The following MYO15A variants were observed in gnomAD, a reference collection of about 807,000 sequenced individuals.
MYO15A encodes the protein unconventional myosin-XV.
A neutral mutation model predicts 394.6 loss-of-function variants in MYO15A; 308 were observed. The observed-to-expected ratio is 0.78, with a 90% CI of 0.71 to 0.86. The LOEUF (loss-of-function observed/expected upper bound fraction) is 0.86, where lower values mean the gene tolerates loss of function less well. Among genes scored for constraint, MYO15A ranks in the 40% least tolerant of loss-of-function variants. The probability of loss-of-function intolerance (pLI) is 0.00; values close to 1 mark genes in which losing one functional copy is unlikely to be tolerated. For missense variants in MYO15A, 4,606 were observed against 4,799.1 expected, an observed-to-expected ratio of 0.96 and a Z score of 1.19; for synonymous variants, 1,957 against 2,003.8, an observed-to-expected ratio of 0.98 and a Z score of 0.62.
At chr17:18,137,822 C>G in intron 16 of MYO15A, 143 bp downstream of exon 16, 3 of 1,055,804 alleles carry the variant, frequency 2.8e-6, no homozygotes, top group East Asian at 2.6e-5. Context: ...AGCTGGGGAC[C>G]AGCCCATGGG....
chr17:18,172,319 C>T (rs751981122), intron 64 of MYO15A, 29 bp downstream of exon 64: 21 of 1,614,006 alleles, frequency 1.3e-5, no homozygotes, highest in South Asian at 9.9e-5. Flanking sequence ...GCACTGCCAT[C>T]GCCACCCTCT....
In MYO15A at chr17:18,120,733, C is replaced by T; in HGVS notation, c.1933C>T (p.Pro645Ser). 6.8e-7 allele frequency: 1 copy of T among 1,474,986 alleles called. No homozygotes were observed. Among genetic ancestry groups the T allele is most frequent in the South Asian group, 1.3e-5 (1 of 76,402 alleles). 91.4% of individuals were successfully genotyped at this position (1,474,986 alleles called of 1,614,324 possible). ...ARSSNDARRP[P>S]APQPAPRTLS... The stretch of plus-strand genomic sequence containing the variant: ...CAGCAGCAACGACGCGCGCCGCCCG[C>T]CCGCGCCACAGCCCGCGCCCAGGAC... The change falls in exon 2 of 66, where the codon CCC becomes TCC. Residue 645 changes from proline to serine, a missense_variant. Physicochemically the swap from Pro to Ser is moderately conservative, Grantham distance 74. This residue lies in a region of MYO15A where 1,830 missense variants were observed against 1,689.7 expected (regional missense o/e 1.08). Coordinates refer to ENST00000647165, the MANE Select transcript of MYO15A (RefSeq NM_016239.4).
At position 18,139,548 on chromosome 17, in the gene MYO15A, G is replaced by A. The variant is rs2046341246; in HGVS notation, c.5148G>A (p.Leu1716=). ...GKVTYQVHKF[L]DKNHDQVRQD... ...CCCCTTTTCAGGTGCACAAGTTCCTGGACAAGAACCACGACCAAGTGCGCC... is the reference window on the plus strand; with the variant it reads ...CCCCTTTTCAGGTGCACAAGTTCCTAGACAAGAACCACGACCAAGTGCGCC... The change falls in exon 19 of 66, where the codon CTG becomes CTA. Residue 1716 remains leucine (L), a synonymous_variant. Transcript: ENST00000647165. The A allele has an allele frequency of 6.2e-7, 1 of 1,614,030 alleles. No individual in the cohort carries two copies. Among genetic ancestry groups the A allele is most frequent in the Admixed American group, 1.7e-5 (1 of 60,016 alleles).
Position 18,158,955 on chromosome 17 carries a change from T to G in MYO15A, c.9114T>G (p.Pro3038=). Reference sequence around the variant, plus strand: ...GCCTCAGGCTGAAATCCAAGGAGCCTCGGGAGTCCAGAACCTTGGAGGACA... The same window carrying G: ...GCCTCAGGCTGAAATCCAAGGAGCCGCGGGAGTCCAGAACCTTGGAGGACA... ...QDGLRLKSKE[P]RESRTLEDML... is the part of the protein sequence containing the mutation. Residue 3038 remains proline (P), a synonymous_variant, in exon 53 of 66, where the codon CCT becomes CCG. Coordinates refer to ENST00000647165, the MANE Select transcript of MYO15A (RefSeq NM_016239.4). The G allele has an allele frequency of 6.2e-7, 1 of 1,614,068 alleles. No homozygotes were observed. The highest frequency in any genetic ancestry group is 8.5e-7 in the Non-Finnish European group (1 of 1,179,960).
At position 18,150,804 on chromosome 17, in the gene MYO15A, C is replaced by T; in HGVS notation, c.7396-32C>T. ...GGACTGCTGGGGGGTGGAGAATGGACCTGCCTGGTCACCACTGCCACCTCT... is the reference window on the plus strand; with the variant it reads ...GGACTGCTGGGGGGTGGAGAATGGATCTGCCTGGTCACCACTGCCACCTCT... On this transcript the variant is annotated intron_variant, in intron 37 of 65. Transcript: ENST00000647165. This position sits in a 1 kb window ranked among gnomAD's most constrained non-coding sequence, Gnocchi z 4.4. The T allele has an allele frequency of 1.3e-6, 2 of 1,584,800 alleles. No homozygotes were observed. Among genetic ancestry groups the T allele is most frequent in the East Asian group, 2.3e-5 (1 of 43,372 alleles).
intron 58 of MYO15A, 41 bp downstream of exon 58, chr17:18,162,720 C>A: frequency 6.3e-7 from 1 of 1,599,410 alleles, no homozygotes; most frequent in South Asian, 1.1e-5. Flanking sequence ...GAATGGGAGG[C>A]TGGGCGCAGT....
intron 59 of MYO15A, 68 bp downstream of exon 59, chr17:18,163,389 G>A (rs2046804358): frequency 4.0e-6 from 6 of 1,503,830 alleles, no homozygotes; most frequent in Non-Finnish European, 5.5e-6. Flanking sequence ...CCAGGCTCCA[G>A]GATGGGGGTG....
intron 6 of MYO15A, 38 bp from the exon 7 acceptor site, chr17:18,127,037 G>C (rs541071322): frequency 6.2e-7 from 1 of 1,612,818 alleles, no homozygotes; most frequent in African/African-American, 1.3e-5. Flanking sequence ...AAGAGGCAGC[G>C]AAAGGTTGGA....
intron 64 of MYO15A, among the ~76,000 whole-genome samples, chr17:18,173,180 G>C (rs1405137214): frequency 1.3e-5 from 2 of 152,132 alleles, no homozygotes; most frequent in African/African-American, 2.4e-5. Flanking sequence ...GGGAGCTGGG[G>C]TGTCCATTCA....
At position 18,147,945 on chromosome 17, in the gene MYO15A, A is replaced by T. The variant is rs1439000167; in HGVS notation, c.6510-84A>T. On this transcript the variant is annotated intron_variant, in intron 30 of 65. Coordinates refer to ENST00000647165, the MANE Select transcript of MYO15A (RefSeq NM_016239.4). The surrounding 1 kb of genome is among the most constrained non-coding windows in gnomAD (Gnocchi z 4.4). Reference sequence around the variant, plus strand: ...TGGGCCTTTCTCAGACTAGCCTCAGAATTTCCTACCCCCACCCCGCAGCCC... The same window carrying T: ...TGGGCCTTTCTCAGACTAGCCTCAGTATTTCCTACCCCCACCCCGCAGCCC... The T allele has an allele frequency of 1.9e-6, 3 of 1,552,492 alleles. No homozygotes were observed. The African/African-American group carries it at 4.1e-5, about 21-fold the overall frequency.
chr17:18,155,356 G>T lies in MYO15A; in HGVS notation c.8383G>T (p.Val2795Leu), dbSNP rs144830391. The T allele has an allele frequency of 3.7e-6, 6 of 1,613,672 alleles. No individual in the cohort carries two copies. The highest frequency in any genetic ancestry group is 1.1e-5 in the South Asian group (1 of 91,092). The change falls in exon 47 of 66, where the codon GTG becomes TTG. Residue 2795 changes from valine to leucine, a missense_variant. Physicochemically the swap from Val to Leu is conservative, Grantham distance 32. Around this residue, in one of 2 missense-constraint regions of MYO15A, gnomAD observed 2,776 missense variants for 3,109.3 expected, o/e 0.89. Transcript: ENST00000647165. ...TGTGCAGCTCCTAGCTGTGTCCCAC[G>T]TGGGCATCAAACTCCTGAGGATGGT... ...TGVQLLAVSH[V>L]GIKLLRMVKG...
Position 18,173,801 on chromosome 17 carries a change from CCT to C in MYO15A, c.10372_10373del (p.Leu3458GlufsTer59), listed in dbSNP as rs1567667834. ...ETHELMVKFP[L>X]KEIQSTRTQR... ...CCCAGGAATTGATGGTGAAGTTCCC[CCT>C]GAAGGAGATCCAGTCGACGCGGACC... On this transcript the variant is annotated frameshift_variant, in exon 65 of 66. Coordinates refer to ENST00000647165, the MANE Select transcript of MYO15A (RefSeq NM_016239.4). LOFTEE classifies it high-confidence loss of function. 6.2e-7 allele frequency: 1 copy of C among 1,614,002 alleles called. No homozygotes were observed. The highest frequency in any genetic ancestry group is 8.5e-7 in the Non-Finnish European group (1 of 1,180,030).
rs1367062513 is a variant in MYO15A at position 18,119,627 on chromosome 17, A to G, written c.827A>G (p.Asp276Gly). Residue 276 changes from aspartate (D) to glycine (G), a missense_variant, in exon 2 of 66, where the codon GAC becomes GGC. Around this residue, in one of 2 missense-constraint regions of MYO15A, gnomAD observed 1,830 missense variants for 1,689.7 expected, o/e 1.08. Coordinates refer to ENST00000647165, the MANE Select transcript of MYO15A (RefSeq NM_016239.4). Reference protein sequence around the residue: ...PYSPAWPPYGDHYYGYPPEDP... With the variant: ...PYSPAWPPYGGHYYGYPPEDP... ...AGCCCGGCCTGGCCACCCTACGGCGACCACTACTACGGGTACCCGCCCGAG... is the reference window on the plus strand; with the variant it reads ...AGCCCGGCCTGGCCACCCTACGGCGGCCACTACTACGGGTACCCGCCCGAG... 6.2e-7 allele frequency: 1 copy of G among 1,603,018 alleles called. No individual in the cohort carries two copies.
chr17:18,155,296 C>T lies in MYO15A; in HGVS notation c.8341-18C>T. On this transcript the variant is annotated intron_variant, in intron 46 of 65. Transcript: ENST00000647165. ...ATGAGACAAGAGGATCCTCACACGC[C>T]CTTCATCTCTGCCCCAGGGCAGCGT... 6.2e-7 allele frequency: 1 copy of T among 1,613,792 alleles called. No homozygotes were observed. Among genetic ancestry groups the T allele is most frequent in the South Asian group, 1.1e-5 (1 of 91,088 alleles).
rs529127249 is a variant in MYO15A at position 18,136,490 on chromosome 17, T to C, written c.4655+15T>C. The C allele has an allele frequency of 1.5e-5, 24 of 1,613,650 alleles. No homozygotes were observed. In the African/African-American group the frequency reaches 2.9e-4, roughly 20 times the overall value. On this transcript the variant is annotated intron_variant, in intron 14 of 65. Transcript: ENST00000647165. Reference sequence around the variant, plus strand: ...GTGGATGCCAGGTGAGGCCACGCCCTCCCCTGCCTGAGCCCCGAGGCCCAG... The same window carrying C: ...GTGGATGCCAGGTGAGGCCACGCCCCCCCCTGCCTGAGCCCCGAGGCCCAG...
In MYO15A at chr17:18,119,374, C is replaced by CGCA. The variant is rs1311244180; in HGVS notation, c.577_579dup (p.Ser193dup). On this transcript the variant is annotated inframe_insertion, in exon 2 of 66. Transcript: ENST00000647165. ...TGGGGGCCGGCTCCGGAGGTTCCCC[C>CGCA]GCAGCCGCAGCATCTACGCGTCAGG... 4 of 1,609,840 alleles carry CGCA rather than the reference C, an allele frequency of 2.5e-6. No individual in the cohort carries two copies. Among genetic ancestry groups the CGCA allele is most frequent in the Non-Finnish European group, 3.4e-6 (4 of 1,179,390 alleles).
rs769230097 is a variant in MYO15A at position 18,121,917 on chromosome 17, T to TC, written c.3123dup (p.Lys1042GlnfsTer28). On this transcript the variant is annotated frameshift_variant, in exon 2 of 66. Transcript: ENST00000647165. LOFTEE classifies it high-confidence loss of function. The surrounding 1 kb of genome is among the most constrained non-coding windows in gnomAD (Gnocchi z 5.3). ...CCCCAGCACCTCCCAAGGATGTCAC[T>TC]CCCCCCAAGGATATCACTCCCCCCA... 6.2e-7 allele frequency: 1 copy of TC among 1,611,396 alleles called. No homozygotes were observed. Among genetic ancestry groups the TC allele is most frequent in the Non-Finnish European group, 8.5e-7 (1 of 1,179,438 alleles).
intron 10 of MYO15A, 116 bp downstream of exon 10, chr17:18,131,647 T>C (rs2046168862): frequency 1.6e-6 from 2 of 1,227,572 alleles, no homozygotes; most frequent in African/African-American, 1.5e-5. Flanking sequence ...AACGAATACA[T>C]GCGTACATGT....
rs1157114707 is a variant in MYO15A at position 18,119,655 on chromosome 17, T to G, written c.855T>G (p.Asp285Glu). The G allele has an allele frequency of 6.2e-7, 1 of 1,604,482 alleles. No homozygotes were observed. The highest frequency in any genetic ancestry group is 8.5e-7 in the Non-Finnish European group (1 of 1,179,874). ...ACTACTACGGGTACCCGCCCGAGGA[T>G]CCCTACGACTACTACCACCCCGACT... ...GDHYYGYPPE[D>E]PYDYYHPDYY... The change falls in exon 2 of 66, where the codon GAT becomes GAG. Residue 285 changes from aspartate (D) to glutamate (E), a missense_variant. Transcript: ENST00000647165.
Sources: gnomAD v4.1 joint callset for allele counts (sites outside exome capture counted in the v4.1 genomes callset) on GRCh38, gnomAD v4.1.1 for gene constraint, gnomAD v4.1.1 regional missense constraint, Gnocchi (gnomAD v3.1) non-coding constraint, MANE v1.5 for transcripts, NCBI Gene and HGNC (gene_info 2026-07-23, HGNC 2026-07-21) for gene names.